Variants in SLC41A2 observed in about 807,000 individuals in gnomAD.
SLC41A2 encodes SLC41A1-like 1.
Under a neutral mutation model 58.3 loss-of-function variants are expected in SLC41A2, and 32 were observed. The ratio of observed to expected loss-of-function variants is 0.55; its 90% confidence interval spans 0.41 to 0.74. The LOEUF is 0.74. Among genes scored for constraint, SLC41A2 ranks in the 30% least tolerant of loss-of-function variants. The pLI is 0.00. For missense variants in SLC41A2, 514 were observed against 680.6 expected, an observed-to-expected ratio of 0.76 and a Z score of 2.72; for synonymous variants, 190 against 235.0, an observed-to-expected ratio of 0.81 and a Z score of 1.75.
intron 8 of SLC41A2, among the ~76,000 whole-genome samples, chr12:104,848,621 G>T (rs1360780649): frequency 5.3e-5 from 8 of 151,826 alleles, no homozygotes; most frequent in Non-Finnish European, 1.2e-4. Context: ...GGATAATATA[G>T]GAATATCATA....
At chr12:104,871,650 G>C (rs1328160846) in intron 6 of SLC41A2, among the ~76,000 whole-genome samples, 1 of 152,112 alleles carries the variant, frequency 6.6e-6, no homozygotes, top group Non-Finnish European at 1.5e-5. Context: ...TCATCAAAAT[G>C]ATTTTTTGTT....
intron 4 of SLC41A2, among the ~76,000 whole-genome samples, chr12:104,891,774 A>C (rs1425266785): frequency 6.6e-6 from 1 of 152,094 alleles, no homozygotes; most frequent in Non-Finnish European, 1.5e-5. Flanking sequence ...TGCAGATGAC[A>C]TAATCTTATA....
chr12:104,818,112 T>C (rs1178280632), intron 10 of SLC41A2, among the ~76,000 whole-genome samples: 1 of 152,174 alleles, frequency 6.6e-6, no homozygotes, highest in Non-Finnish European at 1.5e-5. Flanking sequence ...AATCCTTATT[T>C]GTCAATTTAA....
At chr12:104,885,920 G>A (rs1282690950) in intron 6 of SLC41A2, among the ~76,000 whole-genome samples, 1 of 152,054 alleles carries the variant, frequency 6.6e-6, no homozygotes, top group Non-Finnish European at 1.5e-5. Flanking sequence ...AGAGAACACT[G>A]CAGGTTGACT....
At chr12:104,838,113 A>T (rs1470619410) in intron 10 of SLC41A2, among the ~76,000 whole-genome samples, 1 of 152,216 alleles carries the variant, frequency 6.6e-6, no homozygotes, top group Non-Finnish European at 1.5e-5. Context: ...ACACTGAATC[A>T]TGTGAACATG....
At chr12:104,824,442 GC>G (rs2041764383) in intron 10 of SLC41A2, among the ~76,000 whole-genome samples, 1 of 152,118 alleles carries the variant, frequency 6.6e-6, no homozygotes, top group Non-Finnish European at 1.5e-5. Flanking sequence ...CCTCCAAGCG[GC>G]CCGACTCCAG....
rs1474195273 is a variant in SLC41A2, at chr12:104,928,187, T to C, written c.341A>G (p.Asn114Ser). ...CTCCCTTCCATCACAGTAATTATAATTGGCATAGTCATCATACTTTTGGCT... is the reference window on the plus strand; with the variant it reads ...CTCCCTTCCATCACAGTAATTATAACTGGCATAGTCATCATACTTTTGGCT... ...SCSQKYDDYA[N>S]YNYCDGRETS... Residue 114 changes from asparagine to serine, a missense_variant, in exon 2 of 11, where the codon AAT becomes AGT. Around this residue, in one of 3 missense-constraint regions of SLC41A2, gnomAD observed 336 missense variants for 430.0 expected, o/e 0.78. Coordinates refer to ENST00000258538, the MANE Select transcript of SLC41A2 (RefSeq NM_001352171.3). 8 of 1,614,078 alleles carry C rather than the reference T, an allele frequency of 5.0e-6. No homozygotes were observed. The highest frequency in any genetic ancestry group is 3.3e-5 in the Admixed American group (2 of 60,000).
chr12:104,821,630 A>G (rs948054842), intron 10 of SLC41A2, among the ~76,000 whole-genome samples: 8 of 152,238 alleles, frequency 5.3e-5, no homozygotes, highest in African/African-American at 1.9e-4. Flanking sequence ...GTATGATTCA[A>G]TTTTCTAAAA....
chr12:104,895,245 A>G lies in SLC41A2; in HGVS notation c.735+29T>C, dbSNP rs200016868. The stretch of plus-strand genomic sequence containing the variant: ...TACAGTCAAAATTTGTACACCCAAG[A>G]TCTGTAAACAAATATGTGTACCACT... On this transcript the variant is annotated intron_variant, in intron 4 of 10. Coordinates refer to ENST00000258538, the MANE Select transcript of SLC41A2 (RefSeq NM_001352171.3). 5 of 1,558,604 alleles carry G rather than the reference A, an allele frequency of 3.2e-6. No individual in the cohort carries two copies. In the African/African-American group the frequency reaches 4.1e-5, roughly 13 times the overall value.
chr12:104,817,063 T>C (rs980235991), intron 10 of SLC41A2, among the ~76,000 whole-genome samples: 2 of 152,216 alleles, frequency 1.3e-5, no homozygotes, highest in African/African-American at 2.4e-5. Context: ...TGGTATGGTC[T>C]ACCACACACC....
chr12:104,933,606 A>G (rs770887414), intron 1 of SLC41A2, among the ~76,000 whole-genome samples: 2 of 152,146 alleles, frequency 1.3e-5, no homozygotes, highest in African/African-American at 2.4e-5. Flanking sequence ...ATTACAGCAC[A>G]ACTCACAATT....
In SLC41A2 at chr12:104,889,168, T is replaced by G; in HGVS notation, c.745A>C (p.Thr249Pro). ...ACAGCTGCTAGAAAACCCACTACTG[T>G]TGCCTGAACCTAAAATTTTTTTCAT... ...GNLALKQVQATVVGFLAAVAA... is the reference protein window; with the variant it reads ...GNLALKQVQAPVVGFLAAVAA... The change falls in exon 5 of 11, where the codon ACA becomes CCA. Residue 249 changes from threonine to proline, a missense_variant. By Grantham distance (38) the Thr-to-Pro change is conservative. Transcript: ENST00000258538. 6.2e-7 allele frequency: 1 copy of G among 1,602,184 alleles called. No individual in the cohort carries two copies. The highest frequency in any genetic ancestry group is 1.1e-5 in the South Asian group (1 of 87,890).
chr12:104,909,412 G>A (rs1463197382), intron 3 of SLC41A2, among the ~76,000 whole-genome samples: 2 of 152,142 alleles, frequency 1.3e-5, no homozygotes, highest in Non-Finnish European at 2.9e-5. Flanking sequence ...CTTAAGCATT[G>A]ATGATAAATG....
chr12:104,861,380 A>G lies in SLC41A2; in HGVS notation c.1176-10T>C. 6.3e-7 allele frequency: 1 copy of G among 1,590,696 alleles called. No homozygotes were observed. The highest frequency in any genetic ancestry group is 8.6e-7 in the Non-Finnish European group (1 of 1,160,048). ...AATAAGGCCCCCAATGCTGAAAGAG[A>G]TAAAATTATATAATTTAGAGAAGAG... On this transcript the variant is annotated splice_polypyrimidine_tract_variant and intron_variant, in intron 7 of 10. Transcript: ENST00000258538.
intron 1 of SLC41A2, among the ~76,000 whole-genome samples, chr12:104,955,016 C>G (rs375132688): frequency 1.3e-5 from 1 of 79,174 alleles, no homozygotes; most frequent in South Asian, 4.7e-4. Context: ...TTGGCCCTTG[C>G]TTTTTTTTTT....
At position 104,901,101 on chromosome 12, in the gene SLC41A2, G is replaced by C. The variant is rs1439519101; in HGVS notation, c.664-5756C>G. 2.0e-5 allele frequency among the ~76,000 whole-genome samples: 3 copies of C among 152,160 alleles called. No individual in the cohort carries two copies. The East Asian group carries it at 5.8e-4, about 29-fold the overall frequency. On this transcript the variant is annotated intron_variant, in intron 3 of 10. Coordinates refer to ENST00000258538, the MANE Select transcript of SLC41A2 (RefSeq NM_001352171.3). ...GTCAATTAAGTGTTCTCTGAGAAGAGGTTTGAGGCAATAGAAATCAGTTTT... is the reference window on the plus strand; with the variant it reads ...GTCAATTAAGTGTTCTCTGAGAAGACGTTTGAGGCAATAGAAATCAGTTTT...
chr12:104,946,821 C>T (rs2047735665), intron 1 of SLC41A2, among the ~76,000 whole-genome samples: 1 of 152,158 alleles, frequency 6.6e-6, no homozygotes, highest in South Asian at 2.1e-4. Context: ...AATTAACTGT[C>T]AAGAAGTGTC....
intron 1 of SLC41A2, among the ~76,000 whole-genome samples, chr12:104,932,624 C>CAAAAAAAAAAAAAAAAAA (rs544329617): frequency 8.7e-4 from 40 of 46,054 alleles, no homozygotes; most frequent in African/African-American, 2.0e-3. Context: ...GACTTTGTCT[C>CAAAAAAAAAAAAAAAAAA]AAAAAAAAAA....
At chr12:104,953,870 G>A (rs2048048029) in intron 1 of SLC41A2, among the ~76,000 whole-genome samples, 1 of 152,108 alleles carries the variant, frequency 6.6e-6, no homozygotes, top group African/African-American at 2.4e-5. Context: ...TCTGATTTCT[G>A]GGTCCTAGGA....
Sources: allele counts gnomAD v4.1 joint callset (sites outside exome capture counted in the v4.1 genomes callset), GRCh38; gene constraint gnomAD v4.1.1; regional missense constraint gnomAD v4.1.1; transcripts MANE v1.5; gene names NCBI Gene and HGNC (gene_info 2026-07-23, HGNC 2026-07-21).